The following SUFU variants were observed in gnomAD, a reference collection of about 807,000 sequenced individuals.
The protein encoded by SUFU is suppressor of fused homolog.
SUFU carries 7 observed loss-of-function variants against 58.9 expected under a neutral mutation model. The ratio of observed to expected loss-of-function variants is 0.12; its 90% confidence interval spans 0.07 to 0.22. The LOEUF (loss-of-function observed/expected upper bound fraction) is 0.22, where lower values mean the gene tolerates loss of function less well. SUFU is among the 10% of genes least tolerant of loss of function. The pLI is 1.00. For missense variants in SUFU, 451 were observed against 641.3 expected (o/e 0.70, Z 3.20); for synonymous variants, 232 against 254.8 (o/e 0.91, Z 0.85).
chr10:102,600,218 C>A (rs568831359), intron 8 of SUFU, among the ~76,000 whole-genome samples: 2 of 152,302 alleles, frequency 1.3e-5, no homozygotes, highest in South Asian at 2.1e-4. Flanking sequence ...AGTCCCAGGG[C>A]AGCTCTAGGG....
chr10:102,552,442 TAC>T (rs368102340), intron 3 of SUFU, among the ~76,000 whole-genome samples: 4 of 149,182 alleles, frequency 2.7e-5, no homozygotes, highest in South Asian at 2.1e-4. Flanking sequence ...AAAAAAAAAA[TAC>T]ACACACACAC....
At chr10:102,577,639 C>T (rs2135819673) in intron 3 of SUFU, among the ~76,000 whole-genome samples, 1 of 150,570 alleles carries the variant, frequency 6.6e-6, no homozygotes. Context: ...GCACCCAGCC[C>T]TCCTGGCATT....
At chr10:102,563,756 T>G (rs369552569) in intron 3 of SUFU, among the ~76,000 whole-genome samples, 257 of 151,536 alleles carry the variant, frequency 1.7e-3, no homozygotes, top group African/African-American at 6.0e-3. Flanking sequence ...AATGGCCAGT[T>G]TGGGGAGTGA....
intron 2 of SUFU, among the ~76,000 whole-genome samples, chr10:102,533,269 T>C (rs1025502378): frequency 1.3e-5 from 2 of 152,092 alleles, no homozygotes; most frequent in Non-Finnish European, 2.9e-5. Flanking sequence ...TGTATCTCAC[T>C]GGGTCAAAAT....
chr10:102,548,845 C>G (rs1351604729), intron 2 of SUFU, among the ~76,000 whole-genome samples: 1 of 152,166 alleles, frequency 6.6e-6, no homozygotes, highest in African/African-American at 2.4e-5. Flanking sequence ...CCTGCTTTCT[C>G]TCATTGTCAC....
chr10:102,533,307 C>A (rs966439364), intron 2 of SUFU, among the ~76,000 whole-genome samples: 1 of 151,782 alleles, frequency 6.6e-6, no homozygotes, highest in East Asian at 1.9e-4. Flanking sequence ...TGCGGTGGCT[C>A]ACACCTGTAA....
chr10:102,607,129 A>G (rs2063569413), intron 8 of SUFU, among the ~76,000 whole-genome samples: 1 of 150,748 alleles, frequency 6.6e-6, no homozygotes, highest in African/African-American at 2.4e-5. Context: ...TGTGATCTCA[A>G]CCTCTGCCTC....
chr10:102,511,058 T>C (rs2062395081), intron 2 of SUFU, among the ~76,000 whole-genome samples: 2 of 151,162 alleles, frequency 1.3e-5, no homozygotes, highest in South Asian at 4.2e-4. Context: ...GAGGAGTAGG[T>C]TGCAGTGAGC....
intron 2 of SUFU, among the ~76,000 whole-genome samples, chr10:102,520,082 A>G (rs959402958): frequency 2.5e-4 from 37 of 148,298 alleles, no homozygotes; most frequent in Admixed American, 1.5e-3. Flanking sequence ...AGTTTCCCCT[A>G]TTATTAACAC....
At chr10:102,607,879 C>G (rs2063578422) in intron 8 of SUFU, among the ~76,000 whole-genome samples, 1 of 151,516 alleles carries the variant, frequency 6.6e-6, no homozygotes, top group African/African-American at 2.4e-5. Context: ...CCACTGCACT[C>G]CAGCCTGGGC....
intron 2 of SUFU, among the ~76,000 whole-genome samples, chr10:102,525,805 A>G (rs766235805): frequency 2.9e-4 from 44 of 152,086 alleles, no homozygotes; most frequent in Non-Finnish European, 5.9e-4. Context: ...CACCTGGCCT[A>G]TTTTCATAAA....
intron 3 of SUFU, among the ~76,000 whole-genome samples, chr10:102,553,755 G>A (rs565099586): frequency 2.1e-4 from 31 of 150,332 alleles, no homozygotes; most frequent in African/African-American, 6.3e-4. Context: ...GAGCCACCGC[G>A]CCCGGCCACA....
intron 2 of SUFU, among the ~76,000 whole-genome samples, chr10:102,521,993 G>A (rs1290907391): frequency 6.6e-6 from 1 of 152,152 alleles, no homozygotes; most frequent in Non-Finnish European, 1.5e-5. Flanking sequence ...ATAAATAACT[G>A]GGAGTGACGC....
chr10:102,627,030 C>G (rs2063792422), intron 10 of SUFU, 145 bp from the exon 11 acceptor site: 11 of 869,270 alleles, frequency 1.3e-5, no homozygotes, highest in Middle Eastern at 2.2e-4. Context: ...GGGGACAGGC[C>G]TCAAACACTT....
chr10:102,570,760 A>G (rs2063151926), intron 3 of SUFU, among the ~76,000 whole-genome samples: 1 of 152,148 alleles, frequency 6.6e-6, no homozygotes, highest in South Asian at 2.1e-4. Context: ...CCTAAGCTGA[A>G]AATTAGAATC....
chr10:102,511,395 G>A (rs1217568519), intron 2 of SUFU, among the ~76,000 whole-genome samples: 1 of 151,846 alleles, frequency 6.6e-6, no homozygotes, highest in Non-Finnish European at 1.5e-5. Context: ...TTTCTATCTT[G>A]GTGGTGGCTG....
intron 10 of SUFU, among the ~76,000 whole-genome samples, chr10:102,624,119 T>C (rs1017978569): frequency 4.6e-5 from 7 of 152,152 alleles, no homozygotes; most frequent in Non-Finnish European, 1.5e-5. Flanking sequence ...CTATTGGCCA[T>C]TTTTACTGTC....
At chr10:102,622,651 G>A (rs1281246235) in intron 10 of SUFU, among the ~76,000 whole-genome samples, 1 of 150,582 alleles carries the variant, frequency 6.6e-6, no homozygotes, top group Admixed American at 6.6e-5. Context: ...CTGTTAAACA[G>A]CAGACAAAAC....
At chr10:102,515,789 T>C (rs2062461251) in intron 2 of SUFU, among the ~76,000 whole-genome samples, 2 of 152,168 alleles carry the variant, frequency 1.3e-5, no homozygotes, top group Admixed American at 6.6e-5. Flanking sequence ...TGGCTAAGTT[T>C]AGCAGGCTAA....
Sources: allele counts gnomAD v4.1 joint callset (sites outside exome capture counted in the v4.1 genomes callset), GRCh38; gene constraint gnomAD v4.1.1; transcripts MANE v1.5; gene names NCBI Gene and HGNC (gene_info 2026-07-23, HGNC 2026-07-21).